DOCK7: variants seen among roughly 807,000 people sequenced by gnomAD.
The protein encoded by DOCK7 is dedicator of cytokinesis protein 7.
Under a neutral mutation model 271.0 loss-of-function variants are expected in DOCK7, and 138 were observed. The observed-to-expected ratio is 0.51, with a 90% CI of 0.44 to 0.59. The LOEUF is 0.59. Ranked by LOEUF, DOCK7 falls within the 20% of genes least tolerant of loss-of-function variation. The pLI, the probability that DOCK7 is intolerant of heterozygous loss-of-function variation, is 0.00. For missense variants in DOCK7, 2,066 were observed against 2,592.4 expected (o/e 0.80, Z 4.41); for synonymous variants, 823 against 876.1 (o/e 0.94, Z 1.07).
Position 62,508,034 on chromosome 1 carries a change from T to C in DOCK7, c.4404A>G (p.Glu1468=), listed in dbSNP as rs778079427. Residue 1468 remains glutamate, a synonymous_variant, in exon 35 of 50, where the codon GAA becomes GAG. Transcript: ENST00000635253. The stretch of plus-strand genomic sequence containing the variant: ...TAGCCAGGTTTCCATCAATCAGTGC[T>C]TCGTGTTCAATCTCTGCTCTTGATC... ...LDKSRAEIEH[E]ALIDGNLATE... 3.0e-5 allele frequency: 49 copies of C among 1,611,976 alleles called. No individual in the cohort carries two copies. The highest frequency in any genetic ancestry group is 4.1e-5 in the Non-Finnish European group (48 of 1,179,566).
At chr1:62,662,580 G>A (rs1361859012) in intron 2 of DOCK7, among the ~76,000 whole-genome samples, 1 of 152,054 alleles carries the variant, frequency 6.6e-6, no homozygotes, top group Non-Finnish European at 1.5e-5. Context: ...GGCCAATATG[G>A]TAAAACCTCA....
chr1:62,485,835 A>C (rs560924161), intron 43 of DOCK7: 6 of 382,890 alleles, frequency 1.6e-5, no homozygotes, highest in South Asian at 2.2e-4. Context: ...AGCAAAAAAC[A>C]AACGTGCAAC....
chr1:62,528,243 C>T lies in DOCK7; in HGVS notation c.3844G>A (p.Gly1282Arg), dbSNP rs759878677. ...IATDDYESES[G>R]SMISQTVAMA... Reference sequence around the variant, plus strand: ...GCAACGGTCTGGCTTATCATACTTCCGCTCTCACTTTCATAATCATCAGTG... The same window carrying T: ...GCAACGGTCTGGCTTATCATACTTCTGCTCTCACTTTCATAATCATCAGTG... The change falls in exon 31 of 50, where the codon GGA becomes AGA. Residue 1282 changes from glycine to arginine, a missense_variant. This residue lies in a region of DOCK7 where 1,414 missense variants were observed against 1,670.4 expected (regional missense o/e 0.85). Transcript: ENST00000635253. The T allele has an allele frequency of 2.3e-5, 37 of 1,613,466 alleles. No individual in the cohort carries two copies. Among genetic ancestry groups the T allele is most frequent in the East Asian group, 4.5e-5 (2 of 44,844 alleles).
At chr1:62,562,426 G>C (rs916767061) in intron 18 of DOCK7, among the ~76,000 whole-genome samples, 1 of 151,842 alleles carries the variant, frequency 6.6e-6, no homozygotes, top group Non-Finnish European at 1.5e-5. Flanking sequence ...TGTTGGCCAG[G>C]CTGGCCTTGA....
chr1:62,538,050 C>T lies in DOCK7; in HGVS notation c.3312G>A (p.Lys1104=), dbSNP rs1002333745. 1 of 1,613,546 alleles carries T rather than the reference C, an allele frequency of 6.2e-7. No individual in the cohort carries two copies. Among genetic ancestry groups the T allele is most frequent in the Admixed American group, 1.7e-5 (1 of 59,974 alleles). Residue 1104 remains lysine, a synonymous_variant, in exon 28 of 50, where the codon AAG becomes AAA. Coordinates refer to ENST00000635253, the MANE Select transcript of DOCK7 (RefSeq NM_001367561.1). ...CACTGGGATTCGGTAATGAGTAAAG[C>T]TTTGAAGACACCTTGTAAGCAATGC... ...IKSCYKQVSS[K]LYSLPNPSVL...
chr1:62,675,324 G>A (rs965249387), intron 1 of DOCK7, among the ~76,000 whole-genome samples: 1 of 151,866 alleles, frequency 6.6e-6, no homozygotes, highest in Non-Finnish European at 1.5e-5. Flanking sequence ...GATAGCTTGA[G>A]CCCAGGAGTT....
At chr1:62,457,804 T>A in intron 48 of DOCK7, 99 bp from the exon 49 acceptor site, 1 of 1,117,876 alleles carries the variant, frequency 8.9e-7, no homozygotes, top group Non-Finnish European at 1.3e-6. Flanking sequence ...TATGTGGGCT[T>A]AATGACACAC....
chr1:62,483,903 T>A (rs1646215084), intron 43 of DOCK7: 1 of 152,114 alleles, frequency 6.6e-6, no homozygotes. Flanking sequence ...TCCTTTAGAG[T>A]GTCACATTTA....
intron 11 of DOCK7, among the ~76,000 whole-genome samples, chr1:62,627,378 T>TA (rs905180211): frequency 6.6e-6 from 1 of 151,784 alleles, no homozygotes; most frequent in Non-Finnish European, 1.5e-5. Flanking sequence ...GAGGTTCTAA[T>TA]AAAGACAGAA....
chr1:62,463,431 C>A lies in DOCK7; in HGVS notation c.6213-5726G>T, dbSNP rs143825726. 1.8e-3 allele frequency among the ~76,000 whole-genome samples: 268 copies of A among 152,234 alleles called. 1 individual carries two copies. Among genetic ancestry groups the A allele is most frequent in the African/African-American group, 6.3e-3 (260 of 41,530 alleles). ...AATGTGGCATCGTCTGAGGATGAAC[C>A]TATGAACCAGCAACACTATTCTTAA... On this transcript the variant is annotated intron_variant, in intron 48 of 49. Transcript: ENST00000635253.
chr1:62,675,378 G>C (rs1287224240), intron 1 of DOCK7, among the ~76,000 whole-genome samples: 4 of 152,086 alleles, frequency 2.6e-5, no homozygotes, highest in Non-Finnish European at 4.4e-5. Context: ...CTACAGCCTG[G>C]GTAACAGAGC....
intron 18 of DOCK7, among the ~76,000 whole-genome samples, chr1:62,570,984 C>T (rs1316605861): frequency 1.3e-5 from 2 of 152,130 alleles, no homozygotes; most frequent in African/African-American, 4.8e-5. Flanking sequence ...CCATTCAGGA[C>T]ACAGGCACAA....
chr1:62,556,921 T>A (rs186303736), intron 20 of DOCK7, among the ~76,000 whole-genome samples: 155 of 152,262 alleles, frequency 1.0e-3, no homozygotes, highest in African/African-American at 3.6e-3. Context: ...ATCCTTTTCC[T>A]TTTTCTTACA....
chr1:62,612,436 T>TA (rs1345905255), intron 14 of DOCK7, among the ~76,000 whole-genome samples: 1 of 152,014 alleles, frequency 6.6e-6, no homozygotes, highest in African/African-American at 2.4e-5. Flanking sequence ...ACGTGGGGCT[T>TA]AAAACCTAGA....
chr1:62,559,985 T>C (rs1303947029), intron 19 of DOCK7, among the ~76,000 whole-genome samples: 3 of 152,200 alleles, frequency 2.0e-5, no homozygotes, highest in Admixed American at 6.5e-5. Flanking sequence ...ATTGAGTCTG[T>C]ACTGAACTTC....
rs769745274 is a variant in DOCK7 at position 62,538,113 on chromosome 1, T to C, written c.3301-52A>G. On this transcript the variant is annotated intron_variant, in intron 27 of 49. Transcript: ENST00000635253. ...ACACCAATTGAATCTATTATTTCTT[T>C]AATACTAATACCAGAATGGCAAATT... 2.6e-6 allele frequency: 4 copies of C among 1,544,220 alleles called. No individual in the cohort carries two copies. In the East Asian group the frequency reaches 9.1e-5, roughly 35 times the overall value.
At chr1:62,636,031 T>A (rs1222453736) in intron 8 of DOCK7, among the ~76,000 whole-genome samples, 1 of 152,144 alleles carries the variant, frequency 6.6e-6, no homozygotes, top group Admixed American at 6.5e-5. Context: ...GATGGGCGGA[T>A]CACGAGGTCA....
chr1:62,624,849 C>A (rs1337255936), intron 12 of DOCK7, among the ~76,000 whole-genome samples: 1 of 151,884 alleles, frequency 6.6e-6, no homozygotes, highest in African/African-American at 2.4e-5. Context: ...TGGGTGCCTG[C>A]AATCCCAGCT....
chr1:62,524,737 A>G (rs1180309473), intron 31 of DOCK7, among the ~76,000 whole-genome samples: 1 of 151,234 alleles, frequency 6.6e-6, no homozygotes, highest in Non-Finnish European at 1.5e-5. Flanking sequence ...ATCTCTACTA[A>G]AAATACAAAA....
Sources: gnomAD v4.1 joint callset for allele counts (sites outside exome capture counted in the v4.1 genomes callset) on GRCh38, gnomAD v4.1.1 for gene constraint, gnomAD v4.1.1 regional missense constraint, MANE v1.5 for transcripts, NCBI Gene and HGNC (gene_info 2026-07-23, HGNC 2026-07-21) for gene names.